TSPEAR: variants seen among roughly 807,000 people sequenced by gnomAD.
TSPEAR encodes thrombospondin type laminin G domain and EAR repeats.
A neutral mutation model predicts 71.6 loss-of-function variants in TSPEAR; 69 were observed. That is an observed-to-expected ratio of 0.96 (90% confidence interval 0.79 to 1.18). The LOEUF (loss-of-function observed/expected upper bound fraction) is 1.18. TSPEAR is among the 50% of genes most tolerant of loss of function. The pLI is 0.00. For synonymous variants in TSPEAR, 402 were observed against 387.2 expected (o/e 1.04, Z -0.45); for missense variants, 971 against 894.9 (o/e 1.09, Z -1.09).
intron 1 of TSPEAR, among the ~76,000 whole-genome samples, chr21:44,611,846 G>T (rs1981695701): frequency 1.3e-5 from 2 of 152,164 alleles, no homozygotes; most frequent in Admixed American, 6.5e-5. Context: ...GTGTGTGGTT[G>T]CAGGGCACAG....
chr21:44,658,225 T>C (rs1985279764), intron 1 of TSPEAR: 1 of 1,614,144 alleles, frequency 6.2e-7, no homozygotes, highest in East Asian at 2.2e-5. Context: ...CCTGCACCAC[T>C]GCCCTCTGCA....
intron 2 of TSPEAR, chr21:44,558,761 G>A (rs781930819): frequency 1.6e-5 from 25 of 1,561,774 alleles, no homozygotes; most frequent in Non-Finnish European, 2.0e-5. Context: ...GAGTGAGTGA[G>A]TGTGGGAGTG....
intron 9 of TSPEAR, chr21:44,518,714 C>G (rs1555913862): frequency 2.1e-6 from 1 of 470,420 alleles, no homozygotes; most frequent in Non-Finnish European, 4.4e-6. Flanking sequence ...AAGTGACTGC[C>G]TACGTCTTCT....
rs1202073359 is a variant in TSPEAR, at chr21:44,695,807, A to G, written c.82+15626T>C. Among the ~76,000 whole-genome samples, 1 of 152,090 alleles carries G rather than the reference A, an allele frequency of 6.6e-6. No homozygotes were observed. The highest frequency in any genetic ancestry group is 2.4e-5 in the African/African-American group (1 of 41,388). ...GGGTAATGTTTACAACGCAGAGACC[A>G]GCAGACACCACACACCAGGGCTTTT... On this transcript the variant is annotated intron_variant, in intron 1 of 11. Transcript: ENST00000323084. This position sits in a 1 kb window ranked among gnomAD's most constrained non-coding sequence, Gnocchi z 4.5.
chr21:44,538,039 G>A (rs1364762440), intron 2 of TSPEAR, among the ~76,000 whole-genome samples: 1 of 152,170 alleles, frequency 6.6e-6, no homozygotes, highest in Non-Finnish European at 1.5e-5. Flanking sequence ...CACTTTCTGT[G>A]GCATTTCTGT....
intron 2 of TSPEAR, chr21:44,539,378 C>G: frequency 6.2e-7 from 1 of 1,612,834 alleles, no homozygotes. Context: ...GCTGGCCTGG[C>G]AGGAGGAGGC....
At chr21:44,682,798 T>A (rs982932666) in intron 1 of TSPEAR, among the ~76,000 whole-genome samples, 5 of 152,210 alleles carry the variant, frequency 3.3e-5, no homozygotes, top group Non-Finnish European at 5.9e-5. Flanking sequence ...CAGAGCAGAA[T>A]ACAGTGACCC....
At chr21:44,501,105 AATCATATGGAGTT>A (rs2052021153) in intron 11 of TSPEAR, among the ~76,000 whole-genome samples, 1 of 152,242 alleles carries the variant, frequency 6.6e-6, no homozygotes, top group African/African-American at 2.4e-5. Flanking sequence ...TAATCTCCCG[AATCATATGGAGTT>A]ATCAAGTAAA....
chr21:44,681,992 C>T, intron 1 of TSPEAR: 1 of 1,610,140 alleles, frequency 6.2e-7, no homozygotes, highest in South Asian at 1.1e-5. Context: ...CGGGCACACA[C>T]ACGGCTGGCT....
chr21:44,691,482 T>C (rs1411069590), intron 1 of TSPEAR, among the ~76,000 whole-genome samples: 1 of 152,128 alleles, frequency 6.6e-6, no homozygotes, highest in Non-Finnish European at 1.5e-5. Context: ...ATTGCAAAAA[T>C]GCATGAGGAC....
At chr21:44,683,984 C>T (rs1207677452) in intron 1 of TSPEAR, among the ~76,000 whole-genome samples, 2 of 152,116 alleles carry the variant, frequency 1.3e-5, no homozygotes, top group African/African-American at 4.8e-5. Flanking sequence ...ACGTCCAAAT[C>T]CAGGAATCTC....
intron 1 of TSPEAR, among the ~76,000 whole-genome samples, chr21:44,652,332 C>A (rs1383473509): frequency 6.6e-6 from 1 of 152,104 alleles, no homozygotes; most frequent in Non-Finnish European, 1.5e-5. Context: ...TCACAGTGAC[C>A]CAGATAGGAC....
At chr21:44,544,932 A>G (rs2053277196) in intron 2 of TSPEAR, among the ~76,000 whole-genome samples, 1 of 152,130 alleles carries the variant, frequency 6.6e-6, no homozygotes, top group Non-Finnish European at 1.5e-5. Context: ...TCACCAAAGT[A>G]TGTGAAACAA....
At chr21:44,627,679 C>A (rs782498917) in intron 1 of TSPEAR, 2 of 1,606,384 alleles carry the variant, frequency 1.2e-6, no homozygotes, top group South Asian at 1.1e-5. Flanking sequence ...TAGCTGCCAG[C>A]CAGCTTGCTG....
rs374492335 is a variant in TSPEAR at position 44,664,395 on chromosome 21, A to G, written c.82+47038T>C. 3.9e-5 allele frequency among the ~76,000 whole-genome samples: 6 copies of G among 152,352 alleles called. No individual in the cohort carries two copies. The South Asian group carries it at 8.3e-4, about 21-fold the overall frequency. On this transcript the variant is annotated intron_variant, in intron 1 of 11. Transcript: ENST00000323084. ...TGGGGGAAATATATAAAATGTATAC[A>G]TTGAAAACTACAAAATATTGATGAG...
Position 44,499,862 on chromosome 21 carries a change from C to T in TSPEAR, c.1931G>A (p.Ser644Asn). ...TVGCRDWEAF[S>N]TTAGAYLIYS... The stretch of plus-strand genomic sequence containing the variant: ...GATGAGGTAGGCACCAGCCGTGGTG[C>T]TGAAGGCCTCCCAGTCCCTGCAGCC... Residue 644 changes from serine (S) to asparagine (N), a missense_variant, in exon 12 of 12, where the codon AGC becomes AAC. Coordinates refer to ENST00000323084, the MANE Select transcript of TSPEAR (RefSeq NM_144991.3). 1.9e-6 allele frequency: 3 copies of T among 1,604,122 alleles called. No homozygotes were observed. The highest frequency in any genetic ancestry group is 4.5e-5 in the East Asian group (2 of 44,294).
At chr21:44,537,566 C>CT (rs1353721113) in intron 2 of TSPEAR, among the ~76,000 whole-genome samples, 1 of 152,196 alleles carries the variant, frequency 6.6e-6, no homozygotes, top group Non-Finnish European at 1.5e-5. Flanking sequence ...AGAGAATAAA[C>CT]TAACTTTAAA....
intron 1 of TSPEAR, among the ~76,000 whole-genome samples, chr21:44,631,486 G>A (rs1021262956): frequency 9.2e-5 from 14 of 152,170 alleles, no homozygotes; most frequent in African/African-American, 3.4e-4. Context: ...GGAGGCTGAG[G>A]CAGGCAGATC....
Position 44,499,875 on chromosome 21 carries a change from A to T in TSPEAR, c.1918T>A (p.Trp640Arg). 1 of 1,606,518 alleles carries T rather than the reference A, an allele frequency of 6.2e-7. No homozygotes were observed. The highest frequency in any genetic ancestry group is 8.5e-7 in the Non-Finnish European group (1 of 1,177,462). Residue 640 changes from tryptophan (W) to arginine (R), a missense_variant, in exon 12 of 12, where the codon TGG becomes AGG. Transcript: ENST00000323084. The stretch of plus-strand genomic sequence containing the variant: ...CCAGCCGTGGTGCTGAAGGCCTCCC[A>T]GTCCCTGCAGCCGACGGTGGGGAGG... ...HSLPTVGCRD[W>R]EAFSTTAGAY...
Sources: allele counts gnomAD v4.1 joint callset (sites outside exome capture counted in the v4.1 genomes callset), GRCh38; gene constraint gnomAD v4.1.1; non-coding constraint Gnocchi (gnomAD v3.1); transcripts MANE v1.5; gene names NCBI Gene and HGNC (gene_info 2026-07-23, HGNC 2026-07-21).